The following CCNI2 variants were observed in gnomAD, a reference collection of about 807,000 sequenced individuals.
CCNI2 encodes the protein cyclin I family member 2.
A neutral mutation model predicts 33.2 loss-of-function variants in CCNI2; 32 were observed. That is an observed-to-expected ratio of 0.96 (90% CI 0.73 to 1.30). The LOEUF (loss-of-function observed/expected upper bound fraction) is 1.30. Among genes scored for constraint, CCNI2 ranks in the 50% most tolerant of loss-of-function variants. The pLI, the probability that CCNI2 is intolerant of heterozygous loss-of-function variation, is 0.00. For missense variants in CCNI2, 452 were observed against 486.2 expected (o/e 0.93, Z 0.66); for synonymous variants, 231 against 219.9 (o/e 1.05, Z -0.45).
chr5:132,750,264 C>T (rs1754750083), intron 3 of CCNI2, among the ~76,000 whole-genome samples: 1 of 152,174 alleles, frequency 6.6e-6, no homozygotes, highest in Non-Finnish European at 1.5e-5. Flanking sequence ...TAGGATCAAG[C>T]CTTTAATGTA....
At chr5:132,752,274 C>T in intron 5 of CCNI2, 78 bp downstream of exon 5, 11 of 1,437,318 alleles carry the variant, frequency 7.7e-6, no homozygotes, top group Non-Finnish European at 1.0e-5. Flanking sequence ...AAAGGGGTAC[C>T]CTTTGCCCTT....
At chr5:132,751,064 A>T (rs1581119611) in intron 4 of CCNI2, 67 bp downstream of exon 4, 1 of 1,578,012 alleles carries the variant, frequency 6.3e-7, no homozygotes, top group East Asian at 2.2e-5. Flanking sequence ...GCTGTTTACA[A>T]CATGGGATGG....
At position 132,752,874 on chromosome 5, in the gene CCNI2, T is replaced by C. The variant is rs1476450082; in HGVS notation, c.1014T>C (p.Asp338=). 6.2e-7 allele frequency: 1 copy of C among 1,613,176 alleles called. No individual in the cohort carries two copies. Among genetic ancestry groups the C allele is most frequent in the Non-Finnish European group, 8.5e-7 (1 of 1,179,292 alleles). ...SDLLKKAQVG[D]MQYSCCKELV... ...ACTCTATTCTAATACAGGTTGGTGA[T>C]ATGCAGTACAGCTGCTGCAAGGAAC... Residue 338 remains aspartate, a synonymous_variant, in exon 6 of 6, where the codon GAT becomes GAC. Transcript: ENST00000378731.
chr5:132,747,500 C>T lies in CCNI2; in HGVS notation c.5C>T (p.Ala2Val), dbSNP rs1403839750. The T allele has an allele frequency of 4.7e-6, 7 of 1,478,308 alleles. No homozygotes were observed. Among genetic ancestry groups the T allele is most frequent in the Admixed American group, 2.3e-5 (1 of 43,766 alleles). The allele number at this position is 1,478,308 out of a possible 1,614,324, so 91.6% of individuals were successfully genotyped here. A position where few individuals can be genotyped will look rare whatever the true frequency, so the allele number is the denominator to read the frequency against. M[A>V]SGAQLPPQPS... ...ACTCAGGATCCCGCTCACGACATGG[C>T]CTCGGGCGCTCAGCTCCCGCCGCAG... The change falls in exon 1 of 6, where the codon GCC becomes GTC. Residue 2 changes from alanine (A) to valine (V), a missense_variant. Physicochemically the swap from Ala to Val is moderately conservative, Grantham distance 64. Coordinates refer to ENST00000378731, the MANE Select transcript of CCNI2 (RefSeq NM_001039780.4). This position sits in a 1 kb window ranked among gnomAD's most constrained non-coding sequence, Gnocchi z 4.1.
Position 132,751,999 on chromosome 5 carries a change from G to C in CCNI2, c.808G>C (p.Val270Leu). 1 of 1,612,232 alleles carries C rather than the reference G, an allele frequency of 6.2e-7. No homozygotes were observed. The highest frequency in any genetic ancestry group is 8.5e-7 in the Non-Finnish European group (1 of 1,179,398). The change falls in exon 5 of 6, where the codon GTG becomes CTG. Residue 270 changes from valine to leucine, a missense_variant. By Grantham distance (32) the Val-to-Leu change is conservative. Transcript: ENST00000378731. ...HALVVLSWPH[V>L]LELLPQRNPS... Reference sequence around the variant, plus strand: ...CCTGGTGGTCCTGAGCTGGCCCCATGTGTTGGAGCTGCTGCCTCAGAGGAA... The same window carrying C: ...CCTGGTGGTCCTGAGCTGGCCCCATCTGTTGGAGCTGCTGCCTCAGAGGAA...
intron 4 of CCNI2, chr5:132,751,248 G>A (rs1754819941): frequency 4.9e-6 from 2 of 404,298 alleles, no homozygotes; most frequent in Admixed American, 8.2e-5. Flanking sequence ...GCACTATTAT[G>A]GTGAGTTTCT....
Position 132,752,068 on chromosome 5 carries a change from T to C in CCNI2, c.877T>C (p.Cys293Arg), listed in dbSNP as rs1581122175. The C allele has an allele frequency of 6.2e-7, 1 of 1,608,978 alleles. No homozygotes were observed. ...VASLTRQLQH[C>R]MAGHQLLQFK... ...ATCCCTGACCAGGCAGCTGCAGCAC[T>C]GTATGGCGGGCCACCAGCTGCTGCA... The change falls in exon 5 of 6, where the codon TGT becomes CGT. Residue 293 changes from cysteine (C) to arginine (R), a missense_variant. Transcript: ENST00000378731.
rs749257924 is a variant in CCNI2, at chr5:132,750,910, G to A, written c.687G>A (p.Pro229=). The change falls in exon 4 of 6, where the codon CCG becomes CCA. Residue 229 remains proline, a synonymous_variant. Coordinates refer to ENST00000378731, the MANE Select transcript of CCNI2 (RefSeq NM_001039780.4). ...AGCACTATGGCTCTGACTATTCCCC[G>A]AATGAGCTGCTGAGGATGGAGCTGG... ...FTKHYGSDYS[P]NELLRMELAI... 50 of 1,614,098 alleles carry A rather than the reference G, an allele frequency of 3.1e-5. No homozygotes were observed. Among genetic ancestry groups the A allele is most frequent in the Middle Eastern group, 3.3e-4 (2 of 6,082 alleles).
rs575416996 is a variant in CCNI2, at chr5:132,751,623, G to A, written c.775-343G>A. 26 of 342,458 alleles carry A rather than the reference G, an allele frequency of 7.6e-5. No homozygotes were observed. The East Asian group carries it at 9.3e-4, about 12-fold the overall frequency. The allele number at this position is 342,458 out of a possible 1,614,324, so 21.2% of individuals were successfully genotyped here. On this transcript the variant is annotated intron_variant, in intron 4 of 5. Transcript: ENST00000378731. Reference sequence around the variant, plus strand: ...CACCGTTGCCAAGTTGCAGAGTTTCGTCTTATGATAAGCAGATACAAGTAA... The same window carrying A: ...CACCGTTGCCAAGTTGCAGAGTTTCATCTTATGATAAGCAGATACAAGTAA...
At chr5:132,754,554 T>C (rs948448196), downstream of CCNI2, 1 of 717,380 alleles carries the variant, frequency 1.4e-6, no homozygotes, top group Non-Finnish European at 2.6e-6. Context: ...ATGTGAGTCC[T>C]AGGACTGGGG....
Position 132,750,493 on chromosome 5 carries a change from GGGATCA to G in CCNI2, c.634-360_634-355del, listed in dbSNP as rs1462144263. 2.6e-5 allele frequency among the ~76,000 whole-genome samples: 4 copies of G among 152,294 alleles called. No individual in the cohort carries two copies. In the East Asian group the frequency reaches 7.7e-4, roughly 29 times the overall value. On this transcript the variant is annotated intron_variant, in intron 3 of 5. Coordinates refer to ENST00000378731, the MANE Select transcript of CCNI2 (RefSeq NM_001039780.4). ...TTCTCTATGCCCAGTACCCACGGTAGGGATCAGGAATAGGGAGAGGCAGAACCCATG... is the reference window on the plus strand; with the variant it reads ...TTCTCTATGCCCAGTACCCACGGTAGGGAATAGGGAGAGGCAGAACCCATG...
chr5:132,749,623 G>GTC (rs1374157235), intron 3 of CCNI2, among the ~76,000 whole-genome samples: 4 of 152,108 alleles, frequency 2.6e-5, no homozygotes, highest in Non-Finnish European at 4.4e-5. Context: ...TAGAGCAGCT[G>GTC]AACTGTCCTG....
intron 5 of CCNI2, 131 bp downstream of exon 5, chr5:132,752,327 C>T: frequency 9.0e-7 from 1 of 1,111,956 alleles, no homozygotes; most frequent in South Asian, 1.7e-5. Flanking sequence ...TGGAAAGAGT[C>T]TGCCCAAAGG....
intron 5 of CCNI2, 109 bp downstream of exon 5, chr5:132,752,305 T>G: frequency 7.8e-7 from 1 of 1,283,992 alleles, no homozygotes; most frequent in Non-Finnish European, 1.1e-6. Flanking sequence ...GAAAATGTTC[T>G]GGCCATAACC....
rs1754967739 is a variant in CCNI2 at position 132,752,793 on chromosome 5, T to C, written c.1006-73T>C. 7.6e-6 allele frequency: 10 copies of C among 1,320,188 alleles called. No individual in the cohort carries two copies. The South Asian group carries it at 1.1e-4, about 15-fold the overall frequency. 81.8% of individuals were successfully genotyped at this position (1,320,188 alleles called of 1,614,324 possible). On this transcript the variant is annotated intron_variant, in intron 5 of 5. Coordinates refer to ENST00000378731, the MANE Select transcript of CCNI2 (RefSeq NM_001039780.4). The stretch of plus-strand genomic sequence containing the variant: ...CCTGAACTTGCTTCATGCTAACATT[T>C]TGGCACTCAATTGCCAATTTCTTAG...
rs766586513 is a variant in CCNI2 at position 132,749,441 on chromosome 5, C to G, written c.633+19C>G. The G allele has an allele frequency of 1.4e-5, 22 of 1,600,086 alleles. No homozygotes were observed. Among genetic ancestry groups the G allele is most frequent in the Non-Finnish European group, 1.8e-5 (21 of 1,167,426 alleles). On this transcript the variant is annotated intron_variant, in intron 3 of 5. Coordinates refer to ENST00000378731, the MANE Select transcript of CCNI2 (RefSeq NM_001039780.4). ...AGAGGAGGTATGCATCCTTGGAAGT[C>G]CACACTGGGCTGCACTTGAGGTATA...
Position 132,752,983 on chromosome 5 carries a change from C to G in CCNI2, c.*13C>G. 1 of 1,600,312 alleles carries G rather than the reference C, an allele frequency of 6.2e-7. No homozygotes were observed. Among genetic ancestry groups the G allele is most frequent in the Middle Eastern group, 1.7e-4 (1 of 5,796 alleles). ...ACCTGCCAACTAGCCCCTCTGCCTC[C>G]ACCCCGGGGCTTTCAGAGCATAGTG... On this transcript the variant is annotated 3_prime_UTR_variant, in exon 6 of 6. Coordinates refer to ENST00000378731, the MANE Select transcript of CCNI2 (RefSeq NM_001039780.4).
In CCNI2 at chr5:132,752,870, G is replaced by T; in HGVS notation, c.1010G>T (p.Gly337Val). 6.2e-7 allele frequency: 1 copy of T among 1,613,648 alleles called. No individual in the cohort carries two copies. The highest frequency in any genetic ancestry group is 8.5e-7 in the Non-Finnish European group (1 of 1,179,662). Reference protein sequence around the residue: ...ISDLLKKAQVGDMQYSCCKEL... With the variant: ...ISDLLKKAQVVDMQYSCCKEL... ...GGCCACTCTATTCTAATACAGGTTG[G>T]TGATATGCAGTACAGCTGCTGCAAG... The change falls in exon 6 of 6, where the codon GGT becomes GTT. Residue 337 changes from glycine (G) to valine (V), a missense_variant. Gly to Val is a moderately radical substitution (Grantham distance 109). Transcript: ENST00000378731.
Position 132,752,857 on chromosome 5 carries a change from C to T in CCNI2, c.1006-9C>T, listed in dbSNP as rs759581267. On this transcript the variant is annotated splice_polypyrimidine_tract_variant and intron_variant, in intron 5 of 5. Transcript: ENST00000378731. Reference sequence around the variant, plus strand: ...TCTGCTTGAAGATGGCCACTCTATTCTAATACAGGTTGGTGATATGCAGTA... The same window carrying T: ...TCTGCTTGAAGATGGCCACTCTATTTTAATACAGGTTGGTGATATGCAGTA... 2 of 1,611,258 alleles carry T rather than the reference C, an allele frequency of 1.2e-6. No individual in the cohort carries two copies. Among genetic ancestry groups the T allele is most frequent in the Admixed American group, 1.7e-5 (1 of 59,968 alleles).
Sources: gnomAD v4.1 joint callset for allele counts (sites outside exome capture counted in the v4.1 genomes callset) on GRCh38, gnomAD v4.1.1 for gene constraint, Gnocchi (gnomAD v3.1) non-coding constraint, MANE v1.5 for transcripts, NCBI Gene and HGNC (gene_info 2026-07-23, HGNC 2026-07-21) for gene names.